The following RANGAP1 variants were observed in gnomAD, a reference collection of about 807,000 sequenced individuals.
RANGAP1 encodes the protein Ran GTPase activating protein 1, also known as ran GTPase-activating protein 1.
A neutral mutation model predicts 63.5 loss-of-function variants in RANGAP1; 38 were observed. The ratio of observed to expected loss-of-function variants is 0.60; its 90% confidence interval spans 0.46 to 0.78. The LOEUF is 0.78. Among genes scored for constraint, RANGAP1 ranks in the 30% least tolerant of loss-of-function variants. The pLI is 0.00. For synonymous variants in RANGAP1, 329 were observed against 310.5 expected, an observed-to-expected ratio of 1.06 and a Z score of -0.63; for missense variants, 630 against 740.3, an observed-to-expected ratio of 0.85 and a Z score of 1.73.
upstream of RANGAP1, among the ~76,000 whole-genome samples, chr22:41,287,235 C>T (rs1201289293): frequency 1.3e-5 from 2 of 152,144 alleles, no homozygotes; most frequent in East Asian, 1.9e-4. Flanking sequence ...TATACCTATA[C>T]ATATACATAG....
intron 1 of RANGAP1, among the ~76,000 whole-genome samples, chr22:41,282,803 T>C (rs2035561705): frequency 6.6e-6 from 1 of 152,144 alleles, no homozygotes; most frequent in South Asian, 2.1e-4. Flanking sequence ...AGTGTTTACT[T>C]TGTGGTATGA....
At chr22:41,264,111 G>T (rs2034325448) in intron 5 of RANGAP1, among the ~76,000 whole-genome samples, 1 of 152,220 alleles carries the variant, frequency 6.6e-6, no homozygotes, top group South Asian at 2.1e-4. Flanking sequence ...GGGTCTAAAG[G>T]CACTGGGATG....
intron 5 of RANGAP1, among the ~76,000 whole-genome samples, chr22:41,263,582 A>C (rs2034296302): frequency 6.6e-6 from 1 of 152,110 alleles, no homozygotes; most frequent in Admixed American, 6.5e-5. Flanking sequence ...ATGGGGTTTC[A>C]CCATGTTGGC....
intron 5 of RANGAP1, 31 bp downstream of exon 5, chr22:41,264,633 G>T (rs759669544): frequency 1.3e-6 from 2 of 1,598,058 alleles, no homozygotes; most frequent in Non-Finnish European, 1.7e-6. Context: ...TGGACCAGGG[G>T]ACTCTGCGGG....
At chr22:41,274,214 A>C (rs1412461694) in intron 3 of RANGAP1, among the ~76,000 whole-genome samples, 2 of 152,228 alleles carry the variant, frequency 1.3e-5, no homozygotes, top group Non-Finnish European at 2.9e-5. Context: ...ATTCCTTTAA[A>C]TGGGCAATCT....
At chr22:41,278,160 C>G (rs145596846) in intron 2 of RANGAP1, among the ~76,000 whole-genome samples, 2 of 151,876 alleles carry the variant, frequency 1.3e-5, no homozygotes, top group African/African-American at 2.4e-5. Flanking sequence ...CCTCAGCCTC[C>G]GGAGAGTAGC....
At chr22:41,250,936 C>G in intron 13 of RANGAP1, 71 bp downstream of exon 13, 2 of 1,326,014 alleles carry the variant, frequency 1.5e-6, no homozygotes, top group Non-Finnish European at 2.2e-6. Context: ...TTACGGCAAC[C>G]ACGAAGGATA....
chr22:41,269,451 G>A (rs990568333), intron 3 of RANGAP1, among the ~76,000 whole-genome samples: 3 of 152,006 alleles, frequency 2.0e-5, no homozygotes, highest in Non-Finnish European at 2.9e-5. Context: ...ATACCTAGAA[G>A]ATGCCGGGCA....
intron 12 of RANGAP1, among the ~76,000 whole-genome samples, 186 bp downstream of exon 12, chr22:41,252,686 T>A (rs1045755590): frequency 1.3e-5 from 2 of 152,076 alleles, no homozygotes; most frequent in African/African-American, 4.8e-5. Context: ...GGAGGGAACA[T>A]TTGCAACCCC....
chr22:41,245,713 G>A lies in RANGAP1; in HGVS notation c.*890C>T, dbSNP rs573520424. ...GGGGCAGTCACGGGTGCTCAGGGAG[G>A]TCATACAGCATCTGCCCAGTCCAGA... On this transcript the variant is annotated 3_prime_UTR_variant, in exon 16 of 16. Transcript: ENST00000356244. 6.6e-6 allele frequency: 1 copy of A among 152,430 alleles called. No homozygotes were observed. The highest frequency in any genetic ancestry group is 1.5e-5 in the Non-Finnish European group (1 of 68,228). The allele number at this position is 152,430 out of a possible 1,614,324, so 9.4% of individuals were successfully genotyped here.
intron 3 of RANGAP1, among the ~76,000 whole-genome samples, chr22:41,270,520 T>G (rs2034744405): frequency 6.6e-6 from 1 of 152,142 alleles, no homozygotes; most frequent in Non-Finnish European, 1.5e-5. Context: ...CAAACACGGC[T>G]CACTGCAGCC....
chr22:41,276,014 C>A (rs754041963), intron 2 of RANGAP1, among the ~76,000 whole-genome samples: 9 of 152,078 alleles, frequency 5.9e-5, no homozygotes, highest in Non-Finnish European at 1.3e-4. Flanking sequence ...CACTGTGGCA[C>A]GTTACACAAA....
intron 1 of RANGAP1, chr22:41,282,201 C>G (rs1484205317): frequency 2.6e-5 from 4 of 152,172 alleles, no homozygotes; most frequent in African/African-American, 9.7e-5. Context: ...ACTGGAGAGG[C>G]TGAGGCAGGA....
At chr22:41,281,180 C>T (rs2035472554) in intron 1 of RANGAP1, 98 bp from the exon 2 acceptor site, 6 of 1,286,010 alleles carry the variant, frequency 4.7e-6, no homozygotes, top group African/African-American at 1.5e-5. Flanking sequence ...CTGACCCTAC[C>T]TCCCCTGCTA....
chr22:41,294,606 G>C, the RANGAP1 span, among the ~76,000 whole-genome samples: 1 of 141,612 alleles, frequency 7.1e-6, no homozygotes. Context: ...TAGGAAGTGA[G>C]GAGCGCCTCT....
In RANGAP1 at chr22:41,251,092, G is replaced by C; in HGVS notation, c.1398C>G (p.Pro466=). The change falls in exon 13 of 16, where the codon CCC becomes CCG. Residue 466 remains proline, a synonymous_variant. Coordinates refer to ENST00000356244, the MANE Select transcript of RANGAP1 (RefSeq NM_002883.4). ...LIAQQTDTSD[P]EKVVSAFLKV... ...TTAGGAAGGCAGAGACCACCTTCTC[G>C]GGGTCAGACGTGTCAGTCTGAGGAC... The C allele has an allele frequency of 6.2e-7, 1 of 1,613,976 alleles. No individual in the cohort carries two copies. The highest frequency in any genetic ancestry group is 8.5e-7 in the Non-Finnish European group (1 of 1,179,968).
chr22:41,258,017 G>T lies in RANGAP1; in HGVS notation c.705C>A (p.Asn235Lys). The T allele has an allele frequency of 3.1e-6, 5 of 1,613,184 alleles. No individual in the cohort carries two copies. The highest frequency in any genetic ancestry group is 2.2e-5 in the East Asian group (1 of 44,774). The change falls in exon 7 of 16, where the codon AAC (asparagine) becomes AAA (lysine). Residue 235 changes from asparagine (N) to lysine (K), a missense_variant. Around this residue, in one of 3 missense-constraint regions of RANGAP1, gnomAD observed 428 missense variants for 465.5 expected, o/e 0.92. Coordinates refer to ENST00000356244, the MANE Select transcript of RANGAP1 (RefSeq NM_002883.4). ...TCAGGTTGATGACCCGCAGCAGGGG[G>T]TTGACAGCGAAAGCCTGGGCCAGGG... ...ITALAQAFAV[N>K]PLLRVINLND...
chr22:41,293,545 C>T, the RANGAP1 span, among the ~76,000 whole-genome samples: 8 of 151,656 alleles, frequency 5.3e-5, no homozygotes, highest in Non-Finnish European at 1.0e-4. Context: ...TTTGGGAGGC[C>T]GAGGTGGGCG....
the RANGAP1 span, among the ~76,000 whole-genome samples, chr22:41,300,477 C>CACACAT: frequency 6.0e-5 from 2 of 33,224 alleles, no homozygotes; most frequent in Non-Finnish European, 1.3e-4. Context: ...CACACACACA[C>CACACAT]ACATATATTT....
Sources: allele counts gnomAD v4.1 joint callset (sites outside exome capture counted in the v4.1 genomes callset), GRCh38; gene constraint gnomAD v4.1.1; regional missense constraint gnomAD v4.1.1; transcripts MANE v1.5; gene names NCBI Gene and HGNC (gene_info 2026-07-23, HGNC 2026-07-21).